CLUL1: variants seen among roughly 807,000 people sequenced by gnomAD.
The protein encoded by CLUL1 is clusterin like 1.
A neutral mutation model predicts 49.4 loss-of-function variants in CLUL1; 43 were observed. That is an observed-to-expected ratio of 0.87 (90% confidence interval 0.68 to 1.12). The LOEUF (loss-of-function observed/expected upper bound fraction) is 1.12, where lower values mean the gene tolerates loss of function less well. Ranked by LOEUF, CLUL1 falls within the 50% of genes most tolerant of loss-of-function variation. CLUL1 has a pLI of 0.00. For synonymous variants in CLUL1, 192 were observed against 184.9 expected, an observed-to-expected ratio of 1.04 and a Z score of -0.31; for missense variants, 486 against 544.4, an observed-to-expected ratio of 0.89 and a Z score of 1.07.
rs371396697 is a variant in CLUL1, at chr18:627,101, A to T, written c.428A>T (p.Glu143Val). ...PSWSSVKNKI[E>V]RFFRKIYQFL... ...GTCCCCTACTCTACTCCACAGATTG[A>T]ACGGTTTTTCAGGAAGATATATCAA... Residue 143 changes from glutamate to valine, a missense_variant, in exon 6 of 10, where the codon GAA (glutamate) becomes GTA (valine). Coordinates refer to ENST00000692774, the MANE Select transcript of CLUL1 (RefSeq NM_001393344.1). 1.9e-6 allele frequency: 3 copies of T among 1,605,400 alleles called. No homozygotes were observed. The highest frequency in any genetic ancestry group is 2.6e-6 in the Non-Finnish European group (3 of 1,172,970).
At chr18:623,644 CAAAAAAA>C (rs59558949) in intron 4 of CLUL1, among the ~76,000 whole-genome samples, 2 of 71,098 alleles carry the variant, frequency 2.8e-5, no homozygotes, top group Non-Finnish European at 5.3e-5. Context: ...GACTCTGTCT[CAAAAAAA>C]AAAAAAAAAA....
intron 7 of CLUL1, among the ~76,000 whole-genome samples, chr18:635,673 C>T (rs112168186): frequency 0.11 from 16,583 of 152,110 alleles, 1,137 homozygotes; most frequent in African/African-American, 0.18. Flanking sequence ...GAAACTCCTG[C>T]CCCTCCCTTG....
At chr18:639,875 G>A (rs922259988) in intron 7 of CLUL1, among the ~76,000 whole-genome samples, 7 of 152,150 alleles carry the variant, frequency 4.6e-5, no homozygotes, top group African/African-American at 1.7e-4. Context: ...CAGGGTGTTA[G>A]AGCTGGGTCA....
intron 4 of CLUL1, among the ~76,000 whole-genome samples, chr18:624,130 C>T (rs2073599123): frequency 6.6e-6 from 1 of 152,160 alleles, no homozygotes; most frequent in Non-Finnish European, 1.5e-5. Context: ...CTCGCAGGGA[C>T]AGGTGCCACT....
At position 617,999 on chromosome 18, in the gene CLUL1, A is replaced by T. The variant is rs1218408367; in HGVS notation, c.-2A>T. ...TTTTTCCTTTGCAGTAACAGCGGGA[A>T]CATGAAGCCGCCACTCTTGGTGTTT... On this transcript the variant is annotated 5_prime_UTR_variant, in exon 3 of 10. Coordinates refer to ENST00000692774, the MANE Select transcript of CLUL1 (RefSeq NM_001393344.1). The T allele has an allele frequency of 1.2e-6, 2 of 1,613,970 alleles. No individual in the cohort carries two copies. The highest frequency in any genetic ancestry group is 1.7e-6 in the Non-Finnish European group (2 of 1,179,908).
At chr18:599,494 G>T (rs2072758495) in intron 1 of CLUL1, among the ~76,000 whole-genome samples, 1 of 152,084 alleles carries the variant, frequency 6.6e-6, no homozygotes, top group Non-Finnish European at 1.5e-5. Flanking sequence ...TCAGGTGATG[G>T]TGATTGTAAA....
At chr18:645,185 G>T in intron 9 of CLUL1, 88 bp downstream of exon 9, 1 of 992,706 alleles carries the variant, frequency 1.0e-6, no homozygotes, top group Non-Finnish European at 1.4e-6. Context: ...CCAAATACCT[G>T]GAAAACATGT....
intron 1 of CLUL1, among the ~76,000 whole-genome samples, chr18:603,830 T>G (rs2143926825): frequency 6.6e-6 from 1 of 152,304 alleles, no homozygotes; most frequent in South Asian, 2.1e-4. Flanking sequence ...TCTCTATAAT[T>G]ATTCTATTTC....
At chr18:617,411 A>G (rs554155988) in intron 2 of CLUL1, among the ~76,000 whole-genome samples, 1 of 152,264 alleles carries the variant, frequency 6.6e-6, no homozygotes, top group Admixed American at 6.5e-5. Context: ...CCTGACCCAC[A>G]TGGAGAAACT....
At chr18:612,431 G>A (rs77453637) in intron 2 of CLUL1, among the ~76,000 whole-genome samples, 23,354 of 152,172 alleles carry the variant, frequency 0.15, 2,210 homozygotes, top group Middle Eastern at 0.23. Flanking sequence ...CAGGCCAGCC[G>A]GCTTCACACA....
chr18:649,411 T>A (rs2074611561), intron 9 of CLUL1, among the ~76,000 whole-genome samples: 1 of 152,176 alleles, frequency 6.6e-6, no homozygotes, highest in Non-Finnish European at 1.5e-5. Flanking sequence ...TGTGTTTTAT[T>A]TCCCATCCCC....
At chr18:605,014 G>A (rs1211268702) in intron 1 of CLUL1, among the ~76,000 whole-genome samples, 2 of 152,218 alleles carry the variant, frequency 1.3e-5, no homozygotes, top group Non-Finnish European at 2.9e-5. Context: ...ATGGGTTGGA[G>A]GTTCTCCGGG....
At chr18:598,502 A>C (rs548897900) in intron 1 of CLUL1, 9 of 398,608 alleles carry the variant, frequency 2.3e-5, no homozygotes, top group African/African-American at 1.6e-4. Context: ...TCCTCTAGGC[A>C]GTATCAGCTA....
chr18:641,293 T>A (rs1421706453), intron 7 of CLUL1, 34 bp from the exon 8 acceptor site: 8 of 1,597,056 alleles, frequency 5.0e-6, no homozygotes, highest in Non-Finnish European at 6.9e-6. Context: ...TTCATGGACT[T>A]TTTCCTTCTC....
At chr18:610,875 A>C (rs2073114355) in intron 2 of CLUL1, among the ~76,000 whole-genome samples, 1 of 152,102 alleles carries the variant, frequency 6.6e-6, no homozygotes, top group South Asian at 2.1e-4. Flanking sequence ...TGCCTCTAAA[A>C]AAATAAAAAT....
intron 1 of CLUL1, among the ~76,000 whole-genome samples, chr18:599,191 T>A (rs1048846867): frequency 6.6e-6 from 1 of 152,232 alleles, no homozygotes; most frequent in Non-Finnish European, 1.5e-5. Context: ...TATTTTTACA[T>A]GTCTTTAAGT....
intron 2 of CLUL1, among the ~76,000 whole-genome samples, chr18:611,820 T>C (rs899421549): frequency 6.6e-6 from 1 of 152,120 alleles, no homozygotes; most frequent in African/African-American, 2.4e-5. Flanking sequence ...GCAACAAAAA[T>C]TCTTGTTGGT....
rs1251513886 is a variant in CLUL1, at chr18:626,913, AAG to A, written c.424-182_424-181del. On this transcript the variant is annotated intron_variant, in intron 5 of 9. Transcript: ENST00000692774. ...AAAGAAAGAAAGAAAGAAAGAAAGA[AAG>A]AAAGAAAGAAAGAAGGAAAGAAGGA... Among the ~76,000 whole-genome samples, 3 of 948 alleles carry A rather than the reference AAG, an allele frequency of 3.2e-3. 1 individual carries two copies. The highest frequency in any genetic ancestry group is 0.25 in the East Asian group (1 of 4). 0.6% of individuals were successfully genotyped at this position (948 alleles called of 152,430 possible). A position where few individuals can be genotyped will look rare whatever the true frequency, so the allele number is the denominator to read the frequency against.
At chr18:643,948 G>A (rs528089341) in intron 8 of CLUL1, among the ~76,000 whole-genome samples, 5 of 152,256 alleles carry the variant, frequency 3.3e-5, no homozygotes, top group African/African-American at 9.6e-5. Context: ...ATCAGTGAAC[G>A]TAACCACTTT....
Sources: allele counts gnomAD v4.1 joint callset (sites outside exome capture counted in the v4.1 genomes callset), GRCh38; gene constraint gnomAD v4.1.1; transcripts MANE v1.5; gene names NCBI Gene and HGNC (gene_info 2026-07-23, HGNC 2026-07-21).